Variants in STAT4 observed in about 807,000 individuals in gnomAD.
STAT4 encodes signal transducer and activator of transcription 4.
STAT4 carries 42 observed loss-of-function variants against 110.5 expected under a neutral mutation model. That is an observed-to-expected ratio of 0.38 (90% CI 0.30 to 0.49). The LOEUF is 0.49. Among genes scored for constraint, STAT4 ranks in the 20% least tolerant of loss-of-function variants. STAT4 has a pLI of 0.95. For missense variants in STAT4, 632 were observed against 887.9 expected (o/e 0.71, Z 3.66); for synonymous variants, 284 against 302.2 (o/e 0.94, Z 0.63).
At chr2:191,115,860 TG>T in intron 3 of STAT4, among the ~76,000 whole-genome samples, 2 of 152,318 alleles carry the variant, frequency 1.3e-5, no homozygotes, top group African/African-American at 4.8e-5. Context: ...AACTTCAATT[TG>T]GGAGGTGGAG....
chr2:191,073,012 A>G lies in STAT4; in HGVS notation c.465+86T>C, dbSNP rs557622174. ...AAATTGCCCTATGATTTCTGTATACATTAACTTTGGGTGCATGGGAGAATG... is the reference window on the plus strand; with the variant it reads ...AAATTGCCCTATGATTTCTGTATACGTTAACTTTGGGTGCATGGGAGAATG... On this transcript the variant is annotated intron_variant, in intron 5 of 23. Coordinates refer to ENST00000392320, the MANE Select transcript of STAT4 (RefSeq NM_003151.4). The G allele has an allele frequency of 4.2e-4, 445 of 1,059,650 alleles. 1 individual carries two copies. Among genetic ancestry groups the G allele is most frequent in the Non-Finnish European group, 5.8e-4 (413 of 711,902 alleles). The allele number at this position is 1,059,650 out of a possible 1,614,324, so 65.6% of individuals were successfully genotyped here.
chr2:191,065,745 T>C lies in STAT4; in HGVS notation c.630+685A>G, dbSNP rs535740523. On this transcript the variant is annotated intron_variant, in intron 7 of 23. Transcript: ENST00000392320. ...TTAGGGTGAAAATAAATGTTATACT[T>C]GTTTGTGCTCACCCAAATTCCTGCA... Among the ~76,000 whole-genome samples, 18 of 152,298 alleles carry C rather than the reference T, an allele frequency of 1.2e-4. No individual in the cohort carries two copies. In the East Asian group the frequency reaches 3.3e-3, roughly 28 times the overall value.
At chr2:191,123,378 G>C (rs569947869) in intron 3 of STAT4, among the ~76,000 whole-genome samples, 64 of 152,136 alleles carry the variant, frequency 4.2e-4, no homozygotes, top group African/African-American at 1.4e-3. Context: ...CTCCAGAGTG[G>C]GTACATTTTC....
rs980303842 is a variant in STAT4, at chr2:191,033,057, T to C, written c.1945A>G (p.Met649Val). 14 of 1,614,096 alleles carry C rather than the reference T, an allele frequency of 8.7e-6. No homozygotes were observed. The highest frequency in any genetic ancestry group is 1.2e-5 in the Non-Finnish European group (14 of 1,180,050). The change falls in exon 21 of 24, where the codon ATG becomes GTG. Residue 649 changes from methionine (M) to valine (V), a missense_variant. Coordinates refer to ENST00000392320, the MANE Select transcript of STAT4 (RefSeq NM_003151.4). This position sits in a 1 kb window ranked among gnomAD's most constrained non-coding sequence, Gnocchi z 6.9. ...ADILRDYKVIMAENIPENPLK... is the reference protein window; with the variant it reads ...ADILRDYKVIVAENIPENPLK... ...GGGTTTTCAGGAATGTTTTCAGCCA[T>C]AATAACTTTGTAGTCTCGCAGGATG... is the stretch of plus-strand genomic sequence containing the variant.
chr2:191,054,566 G>A lies in STAT4; in HGVS notation c.1207-32C>T, dbSNP rs186621836. On this transcript the variant is annotated intron_variant, in intron 13 of 23. Coordinates refer to ENST00000392320, the MANE Select transcript of STAT4 (RefSeq NM_003151.4). Reference sequence around the variant, plus strand: ...AAAAGAAAACAACAATATTTAGATGGAAAAGCATTATCAGCTACATATTAA... The same window carrying A: ...AAAAGAAAACAACAATATTTAGATGAAAAAGCATTATCAGCTACATATTAA... 3,516 of 1,598,906 alleles carry A rather than the reference G, an allele frequency of 2.2e-3. 5 individuals are homozygous for A. The highest frequency in any genetic ancestry group is 2.8e-3 in the Non-Finnish European group (3,230 of 1,169,572).
At chr2:191,094,791 C>T (rs1206242598) in intron 3 of STAT4, among the ~76,000 whole-genome samples, 2 of 151,922 alleles carry the variant, frequency 1.3e-5, no homozygotes, top group East Asian at 1.9e-4. Context: ...AAGACACAGA[C>T]TGGCAAATTG....
intron 14 of STAT4, among the ~76,000 whole-genome samples, chr2:191,049,442 C>T (rs1440048821): frequency 3.9e-5 from 6 of 152,100 alleles, no homozygotes; most frequent in Non-Finnish European, 7.4e-5. Flanking sequence ...TCCCAAAGTG[C>T]TGGGATTACA....
chr2:191,097,071 A>G (rs1403594466), intron 3 of STAT4, among the ~76,000 whole-genome samples: 1 of 152,242 alleles, frequency 6.6e-6, no homozygotes, highest in Non-Finnish European at 1.5e-5. Flanking sequence ...AAGGGATGTG[A>G]AGGACCTCTT....
At chr2:191,052,586 C>G (rs1219465657) in intron 14 of STAT4, among the ~76,000 whole-genome samples, 1 of 152,108 alleles carries the variant, frequency 6.6e-6, no homozygotes, top group African/African-American at 2.4e-5. Context: ...TGAAGATTTT[C>G]ATTTTACATT....
chr2:191,133,207 T>G (rs1045422274), intron 3 of STAT4, among the ~76,000 whole-genome samples: 1 of 151,242 alleles, frequency 6.6e-6, no homozygotes, highest in Non-Finnish European at 1.5e-5. Context: ...TAATATGGTT[T>G]CATTTTTTGA....
At chr2:191,129,715 T>C (rs1328632249) in intron 3 of STAT4, among the ~76,000 whole-genome samples, 1 of 152,204 alleles carries the variant, frequency 6.6e-6, no homozygotes, top group African/African-American at 2.4e-5. Context: ...TGTCACTCCC[T>C]TGCTCAAACT....
intron 8 of STAT4, among the ~76,000 whole-genome samples, chr2:191,063,569 G>A (rs1039486233): frequency 8.5e-5 from 13 of 152,116 alleles, no homozygotes; most frequent in Non-Finnish European, 1.5e-4. Context: ...AAATGGACAC[G>A]GAAGGGACTT....
Position 191,110,215 on chromosome 2 carries a change from C to T in STAT4, c.274-33890G>A, listed in dbSNP as rs1313748637. 1.3e-5 allele frequency among the ~76,000 whole-genome samples: 2 copies of T among 152,086 alleles called. No homozygotes were observed. Among genetic ancestry groups the T allele is most frequent in the African/African-American group, 2.4e-5 (1 of 41,420 alleles). On this transcript the variant is annotated intron_variant, in intron 3 of 23. Transcript: ENST00000392320. This position sits in a 1 kb window ranked among gnomAD's most constrained non-coding sequence, Gnocchi z 4.5. ...ACATAGATTTGTGTTGATGTCAGTG[C>T]TAAGAAGAAAAGGTCTTCTTCAGGC...
intron 3 of STAT4, among the ~76,000 whole-genome samples, chr2:191,096,666 C>T (rs1302101948): frequency 6.6e-6 from 1 of 152,148 alleles, no homozygotes; most frequent in Non-Finnish European, 1.5e-5. Context: ...CAATATCATA[C>T]TAAACGGGCA....
At chr2:191,055,912 C>T (rs1159961042) in intron 13 of STAT4, among the ~76,000 whole-genome samples, 1 of 152,128 alleles carries the variant, frequency 6.6e-6, no homozygotes, top group Admixed American at 6.5e-5. Flanking sequence ...CTAAACATGG[C>T]CCCTTGTTGA....
chr2:191,148,738 G>C (rs1381230734), intron 1 of STAT4, among the ~76,000 whole-genome samples: 1 of 152,020 alleles, frequency 6.6e-6, no homozygotes, highest in Non-Finnish European at 1.5e-5. Flanking sequence ...TTGACTTCTA[G>C]TCCAATTTTG....
intron 3 of STAT4, among the ~76,000 whole-genome samples, chr2:191,078,457 A>C (rs1697373264): frequency 6.6e-6 from 1 of 152,072 alleles, no homozygotes; most frequent in African/African-American, 2.4e-5. Flanking sequence ...TTCATCCAGG[A>C]TATCTTTTCA....
rs1184222337 is a variant in STAT4 at position 191,058,509 on chromosome 2, T to TA, written c.1094+200dup. Among the ~76,000 whole-genome samples, 5 of 152,234 alleles carry TA rather than the reference T, an allele frequency of 3.3e-5. No homozygotes were observed. Among genetic ancestry groups the TA allele is most frequent in the African/African-American group, 4.8e-5 (2 of 41,454 alleles). ...GTATATAAAATTGATTTCAAGTTTT[T>TA]ATAGTAAAATTTTAAATTTAGGATA... On this transcript the variant is annotated intron_variant, in intron 11 of 23. Coordinates refer to ENST00000392320, the MANE Select transcript of STAT4 (RefSeq NM_003151.4). This position sits in a 1 kb window ranked among gnomAD's most constrained non-coding sequence, Gnocchi z 4.3.
intron 3 of STAT4, among the ~76,000 whole-genome samples, chr2:191,126,072 A>C (rs572940792): frequency 1.3e-5 from 2 of 152,360 alleles, no homozygotes; most frequent in Non-Finnish European, 2.9e-5. Context: ...TGCTCCCTTC[A>C]GTCACAATTT....
Sources: gnomAD v4.1 joint callset for allele counts (sites outside exome capture counted in the v4.1 genomes callset) on GRCh38, gnomAD v4.1.1 for gene constraint, Gnocchi (gnomAD v3.1) non-coding constraint, MANE v1.5 for transcripts, NCBI Gene and HGNC (gene_info 2026-07-23, HGNC 2026-07-21) for gene names.